Variants in MAP3K19 observed in about 807,000 individuals in gnomAD.
MAP3K19 encodes SPS1/STE20-related protein kinase YSK4.
A neutral mutation model predicts 114.4 loss-of-function variants in MAP3K19; 91 were observed. That is an observed-to-expected ratio of 0.80 (90% CI 0.67 to 0.95). The LOEUF is 0.95. Ranked by LOEUF, MAP3K19 falls within the 40% of genes least tolerant of loss-of-function variation. The pLI is 0.00. For synonymous variants in MAP3K19, 518 were observed against 530.5 expected, an observed-to-expected ratio of 0.98 and a Z score of 0.32; for missense variants, 1,471 against 1,573.2, an observed-to-expected ratio of 0.94 and a Z score of 1.10.
In MAP3K19 at chr2:134,987,975, C is replaced by T. The variant is rs11899779; in HGVS notation, c.897G>A (p.Arg299=). The T allele has an allele frequency of 0.23, 372,757 of 1,613,730 alleles. 51,132 individuals are homozygous for T. Among genetic ancestry groups the T allele is most frequent in the Middle Eastern group, 0.57 (3,474 of 6,062 alleles). Residue 299 remains arginine, a synonymous_variant, in exon 10 of 13, where the codon AGG becomes AGA. Transcript: ENST00000392915. ...MCSFPKTNHH[R]QCLEKEENWK... is the part of the protein sequence containing the mutation. ...AGTTTTCCTCCTTCTCCAGGCATTGCCTGTGATGGTTAGTCTTAGGAAAAG... is the reference window on the plus strand; with the variant it reads ...AGTTTTCCTCCTTCTCCAGGCATTGTCTGTGATGGTTAGTCTTAGGAAAAG...
intron 2 of MAP3K19, among the ~76,000 whole-genome samples, chr2:135,036,919 G>A (rs1688543660): frequency 1.3e-5 from 2 of 152,090 alleles, no homozygotes; most frequent in South Asian, 4.2e-4. Context: ...TTTCAATGGA[G>A]TAGTAGAGGA....
Position 134,999,997 on chromosome 2 carries a change from G to A in MAP3K19, c.254C>T (p.Thr85Ile), listed in dbSNP as rs773340252. ...PRTEGVEITVTFPRDVSPPQE... is the reference protein window; with the variant it reads ...PRTEGVEITVIFPRDVSPPQE... ...GGGAGGACTGACATCTCTTGGAAAA[G>A]TTACAGTGATCTCAACACCTGTAGA... Residue 85 changes from threonine (T) to isoleucine (I), a missense_variant, in exon 7 of 13, where the codon ACT becomes ATT. Coordinates refer to ENST00000392915, the MANE Select transcript of MAP3K19 (RefSeq NM_025052.5). The surrounding 1 kb of genome is among the most constrained non-coding windows in gnomAD (Gnocchi z 4.1). The A allele has an allele frequency of 2.5e-6, 4 of 1,610,734 alleles. No individual in the cohort carries two copies. Among genetic ancestry groups the A allele is most frequent in the Non-Finnish European group, 3.4e-6 (4 of 1,176,966 alleles).
chr2:134,991,031 AC>A lies in MAP3K19; in HGVS notation c.618+505del, dbSNP rs531578755. On this transcript the variant is annotated intron_variant, in intron 9 of 12. Coordinates refer to ENST00000392915, the MANE Select transcript of MAP3K19 (RefSeq NM_025052.5). ...CAACATAGCGAGACCCTGTCTCTAA[AC>A]AAAACAAAACAGAACACCCAGCACT... is the stretch of plus-strand genomic sequence containing the variant. 2.0e-4 allele frequency among the ~76,000 whole-genome samples: 31 copies of A among 152,008 alleles called. No individual in the cohort carries two copies. The South Asian group carries it at 6.4e-3, about 32-fold the overall frequency.
Position 134,987,161 on chromosome 2 carries a change from TTTTTATGCTGG to T in MAP3K19, c.1700_1710del (p.Thr567AsnfsTer40), listed in dbSNP as rs376573579. The T allele has an allele frequency of 3.1e-6, 5 of 1,614,122 alleles. No homozygotes were observed. Among genetic ancestry groups the T allele is most frequent in the South Asian group, 2.2e-5 (2 of 91,078 alleles). On this transcript the variant is annotated frameshift_variant, in exon 10 of 13. Coordinates refer to ENST00000392915, the MANE Select transcript of MAP3K19 (RefSeq NM_025052.5). LOFTEE classifies it high-confidence loss of function. ...AGTCCCAAAGCCGGGAAAATTTGTGTTTTTATGCTGGTTTTATGCATGGTAGGCTTAATGGG... is the reference window on the plus strand; with the variant it reads ...AGTCCCAAAGCCGGGAAAATTTGTGTTTTTATGCATGGTAGGCTTAATGGG...
intron 5 of MAP3K19, among the ~76,000 whole-genome samples, chr2:135,014,801 T>G (rs1687474019): frequency 6.6e-6 from 1 of 152,212 alleles, no homozygotes; most frequent in African/African-American, 2.4e-5. Flanking sequence ...GATTTAATTT[T>G]TTATGTCTGG....
intron 6 of MAP3K19, among the ~76,000 whole-genome samples, chr2:135,003,111 C>T (rs368215158): frequency 3.9e-5 from 6 of 152,148 alleles, no homozygotes; most frequent in African/African-American, 9.7e-5. Flanking sequence ...GGAAAGACCA[C>T]GTGGGGACAG....
chr2:134,988,270 A>G lies in MAP3K19; in HGVS notation c.619-17T>C, dbSNP rs1685317458. 7 of 1,527,046 alleles carry G rather than the reference A, an allele frequency of 4.6e-6. No homozygotes were observed. The Admixed American group carries it at 1.5e-4, about 33-fold the overall frequency. 94.6% of individuals were successfully genotyped at this position (1,527,046 alleles called of 1,614,324 possible). On this transcript the variant is annotated splice_polypyrimidine_tract_variant and intron_variant, in intron 9 of 12. Coordinates refer to ENST00000392915, the MANE Select transcript of MAP3K19 (RefSeq NM_025052.5). ...CAGAAGGAACTAAAAGGAAGACAGA[A>G]AAAGCTGTGAATGCAGAAACATATA...
intron 12 of MAP3K19, among the ~76,000 whole-genome samples, chr2:134,976,753 AAAAAAAAATACAGC>A (rs981286846): frequency 1.3e-5 from 2 of 152,066 alleles, no homozygotes; most frequent in African/African-American, 4.8e-5. Context: ...AAAGTAAAAA[AAAAAAAAATACAGC>A]AAGGCACAGT....
rs57133179 is a variant in MAP3K19, at chr2:135,030,442, C to T, written c.-225G>A. ...GCAATTAGCTACATGAATTGCGGTTCGATTGCTGTAATTGCAAAGGGTGAT... is the reference window on the plus strand; with the variant it reads ...GCAATTAGCTACATGAATTGCGGTTTGATTGCTGTAATTGCAAAGGGTGAT... On this transcript the variant is annotated 5_prime_UTR_variant, in exon 3 of 13. Coordinates refer to ENST00000392915, the MANE Select transcript of MAP3K19 (RefSeq NM_025052.5). 3.3e-5 allele frequency: 5 copies of T among 152,676 alleles called. 1 individual carries two copies. The highest frequency in any genetic ancestry group is 4.1e-4 in the South Asian group (2 of 4,822). The allele number at this position is 152,676 out of a possible 1,614,324, so 9.5% of individuals were successfully genotyped here.
rs968083319 is a variant in MAP3K19 at position 134,991,575 on chromosome 2, A to C, written c.580T>G (p.Ser194Ala). 2 of 1,612,874 alleles carry C rather than the reference A, an allele frequency of 1.2e-6. No homozygotes were observed. The highest frequency in any genetic ancestry group is 1.3e-5 in the African/African-American group (1 of 74,906). ...KEQQRKSEEF[S>A]TSHMKYSGRS... is the part of the protein sequence containing the mutation. ...CCACTGTACTTCATATGAGAGGTCG[A>C]AAACTCTACAACAAGAAAAACAATA... Residue 194 changes from serine (S) to alanine (A), a missense_variant, in exon 9 of 13, where the codon TCG (serine) becomes GCG (alanine). Transcript: ENST00000392915.
chr2:135,014,281 A>G (rs1443075170), intron 5 of MAP3K19, among the ~76,000 whole-genome samples: 1 of 152,096 alleles, frequency 6.6e-6, no homozygotes, highest in East Asian at 1.9e-4. Flanking sequence ...TGAAGCCTGG[A>G]AGGCGGAGGT....
In MAP3K19 at chr2:134,985,910, A is replaced by G; in HGVS notation, c.2962T>C (p.Cys988Arg). ...TCTGTTTCATTTGCCATTTTTTGGC[A>G]AGAGTTGTTATCTTTCTCATCAAGA... ...LALDEKDNNS[C>R]QKMANETDPE... Residue 988 changes from cysteine (C) to arginine (R), a missense_variant, in exon 10 of 13, where the codon TGC (cysteine) becomes CGC (arginine). Transcript: ENST00000392915. The G allele has an allele frequency of 5.0e-6, 8 of 1,614,062 alleles. No homozygotes were observed. Among genetic ancestry groups the G allele is most frequent in the Non-Finnish European group, 6.8e-6 (8 of 1,179,968 alleles).
At chr2:135,008,132 T>A (rs924410212) in intron 5 of MAP3K19, among the ~76,000 whole-genome samples, 3 of 152,110 alleles carry the variant, frequency 2.0e-5, no homozygotes, top group African/African-American at 7.2e-5. Flanking sequence ...GTACTTCTTT[T>A]TTTTTTTTGA....
intron 6 of MAP3K19, among the ~76,000 whole-genome samples, chr2:135,000,716 G>A (rs1206664960): frequency 6.6e-6 from 1 of 152,242 alleles, no homozygotes; most frequent in East Asian, 1.9e-4. Context: ...GATAAGCACT[G>A]TGATAGAAGC....
At chr2:135,014,607 C>T (rs965831508) in intron 5 of MAP3K19, among the ~76,000 whole-genome samples, 1 of 152,190 alleles carries the variant, frequency 6.6e-6, no homozygotes, top group Non-Finnish European at 1.5e-5. Flanking sequence ...AGTTCACTTA[C>T]CATATGTGTA....
At chr2:134,998,435 A>C (rs750954615) in intron 8 of MAP3K19, among the ~76,000 whole-genome samples, 1 of 152,262 alleles carries the variant, frequency 6.6e-6, no homozygotes, top group Non-Finnish European at 1.5e-5. Context: ...AAGCAATGAA[A>C]TAATCTAAAC....
chr2:135,012,067 T>A (rs1020862407), intron 5 of MAP3K19, among the ~76,000 whole-genome samples: 3 of 152,238 alleles, frequency 2.0e-5, no homozygotes, highest in Non-Finnish European at 2.9e-5. Context: ...AGGTATTTTA[T>A]TTTGATTACT....
At chr2:134,984,812 C>T (rs1352803735) in intron 10 of MAP3K19, among the ~76,000 whole-genome samples, 2 of 152,044 alleles carry the variant, frequency 1.3e-5, no homozygotes, top group South Asian at 4.1e-4. Context: ...ATTATCCAGG[C>T]GTGGTGGTGA....
rs376168641 is a variant in MAP3K19, at chr2:135,007,674, A to C, written c.139-2143T>G. 2.1e-4 allele frequency among the ~76,000 whole-genome samples: 32 copies of C among 151,972 alleles called. No individual in the cohort carries two copies. The South Asian group carries it at 5.6e-3, about 27-fold the overall frequency. ...AAAGCGTTTTCTATCTCCTGGCAAA[A>C]GTTGGGTGCCCTACCTCAGACTATC... On this transcript the variant is annotated intron_variant, in intron 5 of 12. Coordinates refer to ENST00000392915, the MANE Select transcript of MAP3K19 (RefSeq NM_025052.5).
Sources: gnomAD v4.1 joint callset for allele counts (sites outside exome capture counted in the v4.1 genomes callset) on GRCh38, gnomAD v4.1.1 for gene constraint, Gnocchi (gnomAD v3.1) non-coding constraint, MANE v1.5 for transcripts, NCBI Gene and HGNC (gene_info 2026-07-23, HGNC 2026-07-21) for gene names.